Variants in INPP4B observed in about 807,000 individuals in gnomAD.
INPP4B encodes inositol polyphosphate-4-phosphatase type II B.
In INPP4B, 55 loss-of-function variants were observed where a neutral mutation model predicts 122.5. That is an observed-to-expected ratio of 0.45 (90% CI 0.36 to 0.56). The LOEUF (loss-of-function observed/expected upper bound fraction) is 0.56, where lower values mean the gene tolerates loss of function less well. INPP4B is among the 20% of genes least tolerant of loss of function. The probability of loss-of-function intolerance (pLI) is 0.00; values close to 1 mark genes in which losing one functional copy is unlikely to be tolerated. For missense variants in INPP4B, 1,000 were observed against 1,097.7 expected (o/e 0.91, Z 1.26); for synonymous variants, 403 against 388.7 (o/e 1.04, Z -0.43).
At chr4:142,788,754 T>C (rs1448132458) in intron 1 of INPP4B, among the ~76,000 whole-genome samples, 2 of 152,264 alleles carry the variant, frequency 1.3e-5, no homozygotes, top group African/African-American at 4.8e-5. Flanking sequence ...TCACTTAGAA[T>C]AATAGTCTCC....
At chr4:142,582,583 G>T (rs1272200555) in intron 2 of INPP4B, among the ~76,000 whole-genome samples, 1 of 152,136 alleles carries the variant, frequency 6.6e-6, no homozygotes. Context: ...TGCTAGCTAT[G>T]AATAGCAGCT....
intron 14 of INPP4B, among the ~76,000 whole-genome samples, chr4:142,199,236 C>A (rs530369124): frequency 5.3e-5 from 8 of 151,778 alleles, no homozygotes; most frequent in Non-Finnish European, 4.4e-5. Context: ...ATGCTCAATT[C>A]GGTTTGTCTT....
intron 15 of INPP4B, among the ~76,000 whole-genome samples, chr4:142,176,698 T>A (rs2152960492): frequency 6.6e-6 from 1 of 152,274 alleles, no homozygotes; most frequent in Non-Finnish European, 1.5e-5. Flanking sequence ...AAATGCAGAT[T>A]CCTTGGCAAC....
At chr4:142,216,741 C>A (rs976706998) in intron 12 of INPP4B, among the ~76,000 whole-genome samples, 1 of 152,034 alleles carries the variant, frequency 6.6e-6, no homozygotes, top group African/African-American at 2.4e-5. Context: ...AATTATATGA[C>A]ATGTTTAAAA....
At chr4:142,654,041 T>TA (rs1472553994) in intron 2 of INPP4B, among the ~76,000 whole-genome samples, 1 of 152,072 alleles carries the variant, frequency 6.6e-6, no homozygotes, top group East Asian at 1.9e-4. Context: ...TATGCAGCCA[T>TA]AAAAAATGAT....
intron 15 of INPP4B, among the ~76,000 whole-genome samples, chr4:142,185,771 C>T (rs928364360): frequency 2.7e-5 from 4 of 150,350 alleles, no homozygotes; most frequent in African/African-American, 4.9e-5. Context: ...CCCAGCTACT[C>T]GGGAGGCTGA....
chr4:142,544,931 A>G (rs1160379), intron 2 of INPP4B, among the ~76,000 whole-genome samples: 86,787 of 152,038 alleles, frequency 0.57, 26,689 homozygotes, highest in Non-Finnish European at 0.7. Context: ...AATTTCTCTT[A>G]CGAAAATATA....
chr4:142,102,770 C>T (rs983404857), intron 23 of INPP4B, among the ~76,000 whole-genome samples: 1 of 152,026 alleles, frequency 6.6e-6, no homozygotes, highest in African/African-American at 2.4e-5. Context: ...TTCTGGTTAG[C>T]TTTCTGGCTA....
chr4:142,806,778 A>AGAAAGAAG (rs879675195), intron 1 of INPP4B, among the ~76,000 whole-genome samples: 1 of 77,890 alleles, frequency 1.3e-5, no homozygotes, highest in Admixed American at 1.3e-4. Context: ...AAAGAAAGAA[A>AGAAAGAAG]GAAAGAAGGA....
chr4:142,536,529 T>C (rs1271289899), intron 2 of INPP4B, among the ~76,000 whole-genome samples: 1 of 152,136 alleles, frequency 6.6e-6, no homozygotes, highest in Non-Finnish European at 1.5e-5. Context: ...AGTAGCAAAA[T>C]TGTTATTTTC....
chr4:142,759,980 A>G (rs146303505), intron 1 of INPP4B, among the ~76,000 whole-genome samples: 236 of 152,164 alleles, frequency 1.6e-3, no homozygotes, highest in African/African-American at 5.6e-3. Context: ...TAAACTTAAA[A>G]ATAAGTTTAA....
At chr4:142,501,684 G>A (rs935979024) in intron 2 of INPP4B, among the ~76,000 whole-genome samples, 3 of 151,984 alleles carry the variant, frequency 2.0e-5, no homozygotes, top group African/African-American at 7.2e-5. Context: ...ATTTTCTTGA[G>A]GTGAAGAAAA....
At chr4:142,349,161 A>G (rs925840715) in intron 7 of INPP4B, among the ~76,000 whole-genome samples, 1 of 152,032 alleles carries the variant, frequency 6.6e-6, no homozygotes, top group East Asian at 1.9e-4. Context: ...ACTTGAGTCA[A>G]TTATCAGCAA....
At chr4:142,669,390 A>G (rs1160024118) in intron 2 of INPP4B, among the ~76,000 whole-genome samples, 1 of 152,218 alleles carries the variant, frequency 6.6e-6, no homozygotes, top group Non-Finnish European at 1.5e-5. Flanking sequence ...AGCTGAAGGC[A>G]TCATACTACC....
chr4:142,746,637 G>A (rs762296500), intron 1 of INPP4B, among the ~76,000 whole-genome samples: 5 of 152,110 alleles, frequency 3.3e-5, no homozygotes, highest in African/African-American at 4.8e-5. Context: ...CAAGGCTACA[G>A]TAAGACAAAC....
intron 1 of INPP4B, among the ~76,000 whole-genome samples, chr4:142,839,925 A>G (rs1472706443): frequency 6.6e-6 from 1 of 152,218 alleles, no homozygotes; most frequent in Non-Finnish European, 1.5e-5. Context: ...ACATGGCTGA[A>G]ATGTCCACCA....
chr4:142,279,339 G>A (rs1561724439), intron 9 of INPP4B, among the ~76,000 whole-genome samples: 1 of 151,568 alleles, frequency 6.6e-6, no homozygotes, highest in African/African-American at 2.4e-5. Flanking sequence ...AACAGTATTG[G>A]AAAAAATAAA....
chr4:142,208,690 A>C (rs1456415046), intron 13 of INPP4B, among the ~76,000 whole-genome samples, 161 bp from the exon 14 acceptor site: 2 of 152,126 alleles, frequency 1.3e-5, no homozygotes, highest in Non-Finnish European at 2.9e-5. Flanking sequence ...TATTTTTAAA[A>C]ATTGTCTCAA....
At chr4:142,324,023 C>G (rs1052586728) in intron 7 of INPP4B, among the ~76,000 whole-genome samples, 7 of 152,122 alleles carry the variant, frequency 4.6e-5, no homozygotes, top group Non-Finnish European at 8.8e-5. Context: ...AGGGCCTTTA[C>G]AGAAGTGATT....
Sources: gnomAD v4.1 joint callset for allele counts (sites outside exome capture counted in the v4.1 genomes callset) on GRCh38, gnomAD v4.1.1 for gene constraint, MANE v1.5 for transcripts, NCBI Gene and HGNC (gene_info 2026-07-23, HGNC 2026-07-21) for gene names.